SENP6: variants seen among roughly 807,000 people sequenced by gnomAD.
SENP6 encodes the protein SUMO specific peptidase 6.
In SENP6, 41 loss-of-function variants were observed where a neutral mutation model predicts 134.5. That is an observed-to-expected ratio of 0.30 (90% CI 0.24 to 0.40). SENP6 has a LOEUF of 0.40. Among genes scored for constraint, SENP6 ranks in the 10% least tolerant of loss-of-function variants. The pLI, the probability that SENP6 is intolerant of heterozygous loss-of-function variation, is 1.00. For missense variants in SENP6, 1,248 were observed against 1,312.5 expected, an observed-to-expected ratio of 0.95 and a Z score of 0.76; for synonymous variants, 395 against 429.8, an observed-to-expected ratio of 0.92 and a Z score of 1.00.
intron 16 of SENP6, among the ~76,000 whole-genome samples, chr6:75,689,515 T>G (rs1180112640): frequency 1.3e-5 from 2 of 152,146 alleles, no homozygotes; most frequent in Non-Finnish European, 2.9e-5. Flanking sequence ...GTGCGTAGGC[T>G]CCTCAAAAAA....
chr6:75,617,358 C>T (rs1767940299), intron 1 of SENP6, among the ~76,000 whole-genome samples: 1 of 145,056 alleles, frequency 6.9e-6, no homozygotes, highest in South Asian at 2.2e-4. Flanking sequence ...ACTGCGACCT[C>T]CGTCTCCTGG....
At chr6:75,711,645 AC>A (rs752388376) in intron 21 of SENP6, among the ~76,000 whole-genome samples, 3 of 152,096 alleles carry the variant, frequency 2.0e-5, no homozygotes, top group Non-Finnish European at 4.4e-5. Flanking sequence ...ACATGTCCAC[AC>A]ACAAATGTTT....
chr6:75,715,576 C>T lies in SENP6; in HGVS notation c.3321C>T (p.Val1107=), dbSNP rs763803618. ...APLGEGTEQY[V]NSISD The stretch of plus-strand genomic sequence containing the variant: ...TAGGCGAAGGAACAGAACAATATGT[C>T]AATAGTATCTCAGATTGACCATTTC... Residue 1107 remains valine (V), a synonymous_variant, in exon 24 of 24, where the codon GTC becomes GTT. Coordinates refer to ENST00000447266, the MANE Select transcript of SENP6 (RefSeq NM_015571.4). 6.2e-7 allele frequency: 1 copy of T among 1,609,188 alleles called. No homozygotes were observed. Among genetic ancestry groups the T allele is most frequent in the African/African-American group, 1.3e-5 (1 of 74,688 alleles).
chr6:75,662,732 G>T (rs1005253448), intron 8 of SENP6, among the ~76,000 whole-genome samples: 1 of 152,122 alleles, frequency 6.6e-6, no homozygotes, highest in African/African-American at 2.4e-5. Context: ...TAATATTGGG[G>T]ATTTTAATAG....
chr6:75,674,128 A>C (rs1772897671), intron 11 of SENP6, among the ~76,000 whole-genome samples: 1 of 150,884 alleles, frequency 6.6e-6, no homozygotes, highest in Non-Finnish European at 1.5e-5. Context: ...GTATGCTAGA[A>C]TGTTTCGCAA....
At chr6:75,713,057 T>A (rs1775843958) in intron 21 of SENP6, among the ~76,000 whole-genome samples, 1 of 152,168 alleles carries the variant, frequency 6.6e-6, no homozygotes, top group Non-Finnish European at 1.5e-5. Context: ...CAGTGAGCTG[T>A]TATTACGCTG....
At chr6:75,641,906 A>G (rs1770057507) in intron 6 of SENP6, among the ~76,000 whole-genome samples, 1 of 152,110 alleles carries the variant, frequency 6.6e-6, no homozygotes, top group South Asian at 2.1e-4. Flanking sequence ...AAACTGTTGA[A>G]TCAATTAAAA....
intron 2 of SENP6, 116 bp downstream of exon 2, chr6:75,621,741 ACT>A (rs3831261): frequency 0.17 from 99,642 of 589,938 alleles, 9,714 homozygotes; most frequent in African/African-American, 0.3. Flanking sequence ...AAAACATATA[ACT>A]CTTTCACAGT....
At position 75,693,267 on chromosome 6, in the gene SENP6, T is replaced by A. The variant is rs532622044; in HGVS notation, c.2076-2537T>A. ...AAAAAATACAGAAATTAGCTGGGTG[T>A]GGTGGAGGGTGCCTGCAGTCCTAGC... On this transcript the variant is annotated intron_variant, in intron 16 of 23. Coordinates refer to ENST00000447266, the MANE Select transcript of SENP6 (RefSeq NM_015571.4). 1.4e-4 allele frequency among the ~76,000 whole-genome samples: 21 copies of A among 151,554 alleles called. No homozygotes were observed. The East Asian group carries it at 3.9e-3, about 28-fold the overall frequency.
chr6:75,695,203 G>A (rs963177443), intron 16 of SENP6, among the ~76,000 whole-genome samples: 4 of 152,112 alleles, frequency 2.6e-5, no homozygotes, highest in African/African-American at 9.7e-5. Flanking sequence ...TTTTGTGTGT[G>A]TGACAGAGTC....
Position 75,632,456 on chromosome 6 carries a change from G to A in SENP6, c.208-1125G>A, listed in dbSNP as rs72654718. ...TATATGAGATGATGTAATTCACATA[G>A]TATATGACACTAGCAGTTTTCTGGA... is the stretch of plus-strand genomic sequence containing the variant. On this transcript the variant is annotated intron_variant, in intron 3 of 23. Coordinates refer to ENST00000447266, the MANE Select transcript of SENP6 (RefSeq NM_015571.4). 0.011 allele frequency among the ~76,000 whole-genome samples: 1,611 copies of A among 152,230 alleles called. 60 individuals carry two copies. In the East Asian group the frequency reaches 0.14, roughly 13 times the overall value.
intron 10 of SENP6, among the ~76,000 whole-genome samples, chr6:75,667,175 TTAAAA>T (rs1238261497): frequency 2.0e-5 from 3 of 152,194 alleles, no homozygotes; most frequent in African/African-American, 4.8e-5. Context: ...AGTATCAACC[TTAAAA>T]TAAAATGTCA....
intron 1 of SENP6, among the ~76,000 whole-genome samples, chr6:75,615,731 A>C (rs1767802997): frequency 1.3e-5 from 2 of 152,234 alleles, no homozygotes; most frequent in African/African-American, 4.8e-5. Flanking sequence ...AATGAGCTGC[A>C]AAGTGTTCCT....
At chr6:75,635,074 T>C (rs1769407927) in intron 5 of SENP6, 1 of 503,638 alleles carries the variant, frequency 2.0e-6, no homozygotes, top group Non-Finnish European at 3.7e-6. Context: ...ATACTGAAAC[T>C]GATTTACAAT....
At chr6:75,652,503 A>G (rs1391157752) in intron 7 of SENP6, among the ~76,000 whole-genome samples, 1 of 151,724 alleles carries the variant, frequency 6.6e-6, no homozygotes, top group Non-Finnish European at 1.5e-5. Flanking sequence ...TGGGGGACAA[A>G]TGATATACAG....
intron 6 of SENP6, among the ~76,000 whole-genome samples, chr6:75,644,348 C>T (rs1770262282): frequency 1.3e-5 from 2 of 152,050 alleles, no homozygotes; most frequent in Admixed American, 6.6e-5. Context: ...CTGACGAGTT[C>T]TCTCTAAATA....
At chr6:75,683,655 T>A (rs1022908599) in intron 16 of SENP6, among the ~76,000 whole-genome samples, 44 of 150,404 alleles carry the variant, frequency 2.9e-4, no homozygotes, top group African/African-American at 1.1e-3. Flanking sequence ...AAATAGGGAA[T>A]CCTTTCCCCG....
chr6:75,702,539 ATTAAT>A, intron 18 of SENP6, 101 bp from the exon 19 acceptor site: 1 of 1,113,016 alleles, frequency 9.0e-7, no homozygotes, highest in Non-Finnish European at 1.2e-6. Context: ...TTTTTAATAA[ATTAAT>A]TGGCAAGAAC....
intron 7 of SENP6, among the ~76,000 whole-genome samples, chr6:75,648,516 A>C (rs78971866): frequency 6.6e-6 from 1 of 150,700 alleles, no homozygotes; most frequent in Non-Finnish European, 1.5e-5. Flanking sequence ...AAACACCCAC[A>C]TTTTTTTTTC....
Sources: gnomAD v4.1 joint callset for allele counts (sites outside exome capture counted in the v4.1 genomes callset) on GRCh38, gnomAD v4.1.1 for gene constraint, MANE v1.5 for transcripts, NCBI Gene and HGNC (gene_info 2026-07-23, HGNC 2026-07-21) for gene names.